The following L3MBTL4 variants were observed in gnomAD, a reference collection of about 807,000 sequenced individuals.
The protein encoded by L3MBTL4 is lethal(3)malignant brain tumor-like protein 4.
A neutral mutation model predicts 84.5 loss-of-function variants in L3MBTL4; 70 were observed. The observed-to-expected ratio is 0.83, with a 90% CI of 0.68 to 1.01. The LOEUF (loss-of-function observed/expected upper bound fraction) is 1.01. L3MBTL4 is among the 50% of genes least tolerant of loss of function. The pLI is 0.00. For missense variants in L3MBTL4, 715 were observed against 754.8 expected (o/e 0.95, Z 0.62); for synonymous variants, 274 against 259.8 (o/e 1.05, Z -0.52).
intron 1 of L3MBTL4, among the ~76,000 whole-genome samples, chr18:6,336,812 G>T (rs1406911787): frequency 2.0e-5 from 3 of 152,164 alleles, no homozygotes; most frequent in African/African-American, 7.2e-5. Flanking sequence ...GTAGTAAGAG[G>T]TAAGATAATA....
intron 1 of L3MBTL4, among the ~76,000 whole-genome samples, chr18:6,319,318 T>A (rs1193799984): frequency 1.3e-5 from 2 of 151,916 alleles, no homozygotes; most frequent in Non-Finnish European, 1.5e-5. Flanking sequence ...AAAAAGTCGA[T>A]GAAACCAAAG....
chr18:5,996,118 T>A (rs931942165), intron 16 of L3MBTL4, among the ~76,000 whole-genome samples: 1 of 152,250 alleles, frequency 6.6e-6, no homozygotes, highest in Non-Finnish European at 1.5e-5. Flanking sequence ...TAACTAGTGA[T>A]ATTTCCATTT....
At chr18:6,189,198 G>A (rs2044939498) in intron 12 of L3MBTL4, among the ~76,000 whole-genome samples, 1 of 151,928 alleles carries the variant, frequency 6.6e-6, no homozygotes, top group South Asian at 2.1e-4. Context: ...CTCTTCTTTT[G>A]TGCCTTTTCC....
At position 6,244,514 on chromosome 18, in the gene L3MBTL4, T is replaced by C. The variant is rs1447269979; in HGVS notation, c.294A>G (p.Pro98=). The change falls in exon 6 of 19, where the codon CCA becomes CCG. Residue 98 remains proline, a synonymous_variant. Coordinates refer to ENST00000317931, the MANE Select transcript of L3MBTL4 (RefSeq NM_001330559.2). ...MRLEGIDPRH[P]SVFCVLSVAE... ...CTACAGAAAGCACACAGAATACCGA[T>C]GGATGTCGGGGATCAATGCCTTCTA... The C allele has an allele frequency of 5.6e-6, 9 of 1,613,708 alleles. No homozygotes were observed. Among genetic ancestry groups the C allele is most frequent in the Non-Finnish European group, 7.6e-6 (9 of 1,179,626 alleles).
At chr18:6,073,221 C>T (rs1259854157) in intron 16 of L3MBTL4, among the ~76,000 whole-genome samples, 4 of 151,336 alleles carry the variant, frequency 2.6e-5, no homozygotes, top group Admixed American at 6.6e-5. Context: ...ACATAAACAT[C>T]AATTTCAGGA....
intron 12 of L3MBTL4, among the ~76,000 whole-genome samples, chr18:6,191,080 G>C (rs748110554): frequency 6.6e-6 from 1 of 152,168 alleles, no homozygotes; most frequent in Non-Finnish European, 1.5e-5. Flanking sequence ...AGAGAGACTA[G>C]AGGATTTTGC....
intron 10 of L3MBTL4, among the ~76,000 whole-genome samples, chr18:6,230,227 C>T (rs1416134866): frequency 2.0e-5 from 3 of 152,006 alleles, no homozygotes; most frequent in East Asian, 1.9e-4. Context: ...GATCTCTCTC[C>T]TCCCACTCTC....
chr18:6,383,933 C>T (rs2054707652), intron 1 of L3MBTL4, among the ~76,000 whole-genome samples: 1 of 152,148 alleles, frequency 6.6e-6, no homozygotes, highest in African/African-American at 2.4e-5. Context: ...TACCAATTGC[C>T]TTCATCAAGG....
intron 13 of L3MBTL4, among the ~76,000 whole-genome samples, chr18:6,159,498 A>G (rs956644181): frequency 6.6e-6 from 1 of 152,224 alleles, no homozygotes; most frequent in African/African-American, 2.4e-5. Flanking sequence ...ATAAGAGAAG[A>G]TGAATCGAAA....
intron 16 of L3MBTL4, among the ~76,000 whole-genome samples, chr18:6,028,276 C>T (rs529971376): frequency 6.6e-6 from 1 of 152,278 alleles, no homozygotes; most frequent in East Asian, 1.9e-4. Flanking sequence ...AGTTTCCCAG[C>T]ACCATTTATT....
At chr18:6,361,020 T>TA (rs34239414) in intron 1 of L3MBTL4, among the ~76,000 whole-genome samples, 2,559 of 109,982 alleles carry the variant, frequency 0.023, 66 homozygotes, top group African/African-American at 0.068. Context: ...TCTACCTGAT[T>TA]AAAAAAAAAA....
intron 10 of L3MBTL4, among the ~76,000 whole-genome samples, chr18:6,227,543 CA>C (rs1275819838): frequency 2.0e-4 from 30 of 152,088 alleles, no homozygotes; most frequent in Non-Finnish European, 3.4e-4. Flanking sequence ...CCAAATACTT[CA>C]AGAATAAATA....
At chr18:6,161,781 C>T (rs1199093399) in intron 13 of L3MBTL4, among the ~76,000 whole-genome samples, 8 of 152,126 alleles carry the variant, frequency 5.3e-5, no homozygotes, top group Non-Finnish European at 1.2e-4. Context: ...TCTGCTCACT[C>T]TGTAAAACAA....
chr18:6,096,524 C>T (rs2058649088), intron 14 of L3MBTL4, among the ~76,000 whole-genome samples: 1 of 152,186 alleles, frequency 6.6e-6, no homozygotes, highest in South Asian at 2.1e-4. Flanking sequence ...GAAATAGCTA[C>T]ATTAAGGAGA....
At chr18:6,190,465 G>T (rs1368552741) in intron 12 of L3MBTL4, among the ~76,000 whole-genome samples, 1 of 152,144 alleles carries the variant, frequency 6.6e-6, no homozygotes, top group African/African-American at 2.4e-5. Flanking sequence ...GAATGGGTCT[G>T]CAAATATTTG....
At chr18:5,971,297 G>A (rs1370028123) in intron 16 of L3MBTL4, among the ~76,000 whole-genome samples, 1 of 152,174 alleles carries the variant, frequency 6.6e-6, no homozygotes, top group Non-Finnish European at 1.5e-5. Context: ...CAGTGACACA[G>A]AAATGATCAA....
At chr18:6,232,382 T>C (rs2047034565) in intron 10 of L3MBTL4, among the ~76,000 whole-genome samples, 1 of 152,066 alleles carries the variant, frequency 6.6e-6, no homozygotes, top group Non-Finnish European at 1.5e-5. Context: ...GGTATTATGG[T>C]AATTATGTTG....
intron 2 of L3MBTL4, among the ~76,000 whole-genome samples, 169 bp downstream of exon 2, chr18:6,311,829 A>G (rs565655340): frequency 9.7e-4 from 147 of 152,330 alleles, no homozygotes; most frequent in Non-Finnish European, 1.6e-3. Context: ...TATAATAATA[A>G]GACAAGGGGG....
chr18:6,006,600 T>C (rs1260934620), intron 16 of L3MBTL4, among the ~76,000 whole-genome samples: 1 of 152,184 alleles, frequency 6.6e-6, no homozygotes, highest in Non-Finnish European at 1.5e-5. Flanking sequence ...GACTACCCCA[T>C]AACCCAATGA....
Sources: allele counts gnomAD v4.1 joint callset (sites outside exome capture counted in the v4.1 genomes callset), GRCh38; gene constraint gnomAD v4.1.1; transcripts MANE v1.5; gene names NCBI Gene and HGNC (gene_info 2026-07-23, HGNC 2026-07-21).